The following FARS2 variants were observed in gnomAD, a reference collection of about 807,000 sequenced individuals.
The protein encoded by FARS2 is phenylalanine--tRNA ligase, mitochondrial.
FARS2 carries 40 observed loss-of-function variants against 46.4 expected under a neutral mutation model. The observed-to-expected ratio is 0.86, with a 90% CI of 0.67 to 1.12. FARS2 has a LOEUF of 1.12. Among genes scored for constraint, FARS2 ranks in the 50% most tolerant of loss-of-function variants. The pLI, the probability that FARS2 is intolerant of heterozygous loss-of-function variation, is 0.00. For synonymous variants in FARS2, 234 were observed against 214.9 expected (o/e 1.09, Z -0.78); for missense variants, 513 against 567.9 (o/e 0.90, Z 0.98).
intron 4 of FARS2, among the ~76,000 whole-genome samples, chr6:5,524,126 T>C (rs957914645): frequency 5.9e-5 from 9 of 152,180 alleles, no homozygotes; most frequent in Non-Finnish European, 1.5e-5. Flanking sequence ...ATGTACCACT[T>C]GACATTCTAC....
chr6:5,305,596 G>A (rs746811093), intron 1 of FARS2, among the ~76,000 whole-genome samples: 4 of 152,164 alleles, frequency 2.6e-5, no homozygotes, highest in Non-Finnish European at 4.4e-5. Context: ...TTTTATAGAG[G>A]AATCAATTCA....
At chr6:5,651,887 T>A (rs1290050392) in intron 6 of FARS2, among the ~76,000 whole-genome samples, 2 of 152,098 alleles carry the variant, frequency 1.3e-5, no homozygotes, top group Non-Finnish European at 2.9e-5. Flanking sequence ...TCCACACTCA[T>A]AGCCAGCATA....
intron 1 of FARS2, among the ~76,000 whole-genome samples, chr6:5,341,224 TATATATATATA>T (rs1223436547): frequency 0.022 from 151 of 6,992 alleles, 2 homozygotes; most frequent in African/African-American, 0.065. Context: ...TATATATATA[TATATATATATA>T]TTTTTTTTTT....
At chr6:5,605,653 C>T (rs1001997784) in intron 5 of FARS2, among the ~76,000 whole-genome samples, 6 of 152,180 alleles carry the variant, frequency 3.9e-5, no homozygotes, top group African/African-American at 1.2e-4. Flanking sequence ...TTCCATGCCA[C>T]GTGAGGAACT....
intron 6 of FARS2, among the ~76,000 whole-genome samples, chr6:5,619,434 A>G (rs373206724): frequency 6.6e-6 from 1 of 152,194 alleles, no homozygotes; most frequent in East Asian, 1.9e-4. Context: ...CTGGCCTGCC[A>G]CTTCCTGCTC....
chr6:5,352,126 T>C (rs546979162), intron 1 of FARS2, among the ~76,000 whole-genome samples: 1 of 150,496 alleles, frequency 6.6e-6, no homozygotes, highest in African/African-American at 2.5e-5. Flanking sequence ...TTGAGGTTTT[T>C]TTTTTGTGAT....
intron 6 of FARS2, among the ~76,000 whole-genome samples, chr6:5,695,536 C>G (rs1758048476): frequency 6.6e-6 from 1 of 152,236 alleles, no homozygotes; most frequent in South Asian, 2.1e-4. Context: ...TTTACTTGGT[C>G]TTGACGAGAA....
chr6:5,422,544 C>G (rs994433118), intron 3 of FARS2, among the ~76,000 whole-genome samples: 1 of 152,178 alleles, frequency 6.6e-6, no homozygotes, highest in Non-Finnish European at 1.5e-5. Flanking sequence ...GTCCCACACA[C>G]CTGGTTCTGA....
intron 1 of FARS2, among the ~76,000 whole-genome samples, chr6:5,299,155 G>T (rs918296594): frequency 5.3e-5 from 8 of 152,180 alleles, no homozygotes; most frequent in African/African-American, 1.9e-4. Context: ...AGCTCACTTT[G>T]GGTTTTGATG....
At chr6:5,377,580 A>G (rs1292172847) in intron 2 of FARS2, among the ~76,000 whole-genome samples, 1 of 152,172 alleles carries the variant, frequency 6.6e-6, no homozygotes, top group Admixed American at 6.5e-5. Flanking sequence ...CTTAAATTTT[A>G]TACAAGAATG....
intron 5 of FARS2, among the ~76,000 whole-genome samples, chr6:5,559,885 CAGG>C (rs1340019619): frequency 6.6e-6 from 1 of 152,066 alleles, no homozygotes; most frequent in Non-Finnish European, 1.5e-5. Flanking sequence ...GGAACAGAGG[CAGG>C]AGGACAAGGC....
intron 2 of FARS2, among the ~76,000 whole-genome samples, chr6:5,400,623 G>GTA (rs1473530777): frequency 1.3e-4 from 15 of 111,492 alleles, no homozygotes; most frequent in Non-Finnish European, 2.5e-4. Context: ...TTTAATATGT[G>GTA]TGTATGTGTG....
At chr6:5,306,392 C>T (rs1433723983) in intron 1 of FARS2, among the ~76,000 whole-genome samples, 1 of 152,132 alleles carries the variant, frequency 6.6e-6, no homozygotes, top group Non-Finnish European at 1.5e-5. Flanking sequence ...GATGGCTGCC[C>T]TGGGAATTGA....
intron 6 of FARS2, among the ~76,000 whole-genome samples, chr6:5,618,560 C>G (rs372658051): frequency 6.6e-6 from 1 of 152,252 alleles, no homozygotes; most frequent in East Asian, 1.9e-4. Context: ...TTCAGGGAGA[C>G]ATAAACTGCC....
At chr6:5,619,990 A>T (rs1775679614) in intron 6 of FARS2, among the ~76,000 whole-genome samples, 1 of 152,162 alleles carries the variant, frequency 6.6e-6, no homozygotes, top group Admixed American at 6.5e-5. Flanking sequence ...ACTGTTTTCC[A>T]TATGTGCGCA....
rs187441389 is a variant in FARS2, at chr6:5,691,994, G to A, written c.1217+78674G>A. On this transcript the variant is annotated intron_variant, in intron 6 of 6. Transcript: ENST00000274680. ...GCGTAGGACCCTCCGAGCCAGGCGC[G>A]GGATATAATCTCCTGGTGTGCTGTT... Among the ~76,000 whole-genome samples the A allele has an allele frequency of 5.5e-3, 845 of 152,286 alleles. 7 individuals are homozygous for A. Among genetic ancestry groups the A allele is most frequent in the African/African-American group, 0.019 (789 of 41,546 alleles).
chr6:5,261,052 G>T, upstream of FARS2: 1 of 766,760 alleles, frequency 1.3e-6, no homozygotes, highest in South Asian at 4.7e-5. Flanking sequence ...CCACGCGGCG[G>T]GAGGGCGGGG....
chr6:5,476,883 C>T (rs907639881), intron 4 of FARS2, among the ~76,000 whole-genome samples: 1 of 152,064 alleles, frequency 6.6e-6, no homozygotes, highest in Non-Finnish European at 1.5e-5. Context: ...ATAGCAGTTG[C>T]AATACTGGAA....
At chr6:5,379,967 G>A (rs1185966415) in intron 2 of FARS2, among the ~76,000 whole-genome samples, 4 of 152,238 alleles carry the variant, frequency 2.6e-5, no homozygotes, top group Non-Finnish European at 5.9e-5. Context: ...AAGTGACAGA[G>A]TCAGCTTGCT....
Sources: gnomAD v4.1 joint callset for allele counts (sites outside exome capture counted in the v4.1 genomes callset) on GRCh38, gnomAD v4.1.1 for gene constraint, MANE v1.5 for transcripts, NCBI Gene and HGNC (gene_info 2026-07-23, HGNC 2026-07-21) for gene names.